HIKESHI: variants seen among roughly 807,000 people sequenced by gnomAD.
HIKESHI encodes heat shock protein nuclear import factor hikeshi.
A neutral mutation model predicts 25.7 loss-of-function variants in HIKESHI; 13 were observed. That is an observed-to-expected ratio of 0.51 (90% confidence interval 0.33 to 0.80). HIKESHI has a LOEUF of 0.80. HIKESHI is among the 30% of genes least tolerant of loss of function. HIKESHI has a pLI of 0.02. For synonymous variants in HIKESHI, 76 were observed against 78.7 expected (o/e 0.97, Z 0.18); for missense variants, 174 against 229.5 (o/e 0.76, Z 1.56).
intron 2 of HIKESHI, among the ~76,000 whole-genome samples, chr11:86,308,051 C>A (rs1415196329): frequency 8.2e-6 from 1 of 121,522 alleles, no homozygotes; most frequent in East Asian, 2.3e-4. Flanking sequence ...ATATAAATTA[C>A]ATATAATATA....
intron 2 of HIKESHI, among the ~76,000 whole-genome samples, chr11:86,316,150 C>A (rs1946972647): frequency 6.9e-6 from 1 of 145,766 alleles, no homozygotes; most frequent in African/African-American, 2.5e-5. Flanking sequence ...TGCACCTTCC[C>A]TATCATTAGA....
In HIKESHI at chr11:86,337,486, C is replaced by T. The variant is rs1383915080; in HGVS notation, c.376C>T (p.Pro126Ser). 1.2e-6 allele frequency: 2 copies of T among 1,613,932 alleles called. No individual in the cohort carries two copies. The highest frequency in any genetic ancestry group is 8.5e-7 in the Non-Finnish European group (1 of 1,179,926). The change falls in exon 3 of 5, where the codon CCT becomes TCT. Residue 126 changes from proline (P) to serine (S), a missense_variant. Pro to Ser is a moderately conservative substitution (Grantham distance 74). Coordinates refer to ENST00000278483, the MANE Select transcript of HIKESHI (RefSeq NM_016401.4). ...ATTAGACAGTATGGCTCAGCAGACTCCTGTAGGTAATGCTGCTGTATCCTC... is the reference window on the plus strand; with the variant it reads ...ATTAGACAGTATGGCTCAGCAGACTTCTGTAGGTAATGCTGCTGTATCCTC... ...ELLDSMAQQT[P>S]VGNAAVSSVD...
chr11:86,308,347 TA>T (rs1179653334), intron 2 of HIKESHI, among the ~76,000 whole-genome samples: 1 of 97,020 alleles, frequency 1.0e-5, no homozygotes, highest in Admixed American at 1.3e-4. Context: ...ATATATTATA[TA>T]AAATATATAT....
chr11:86,322,656 G>T (rs182340525), intron 2 of HIKESHI, among the ~76,000 whole-genome samples: 20 of 152,212 alleles, frequency 1.3e-4, no homozygotes, highest in Non-Finnish European at 1.0e-4. Context: ...TTTCTGGGTT[G>T]TGCTTTTGAT....
intron 2 of HIKESHI, among the ~76,000 whole-genome samples, chr11:86,311,397 G>A (rs564833627): frequency 2.7e-4 from 41 of 152,110 alleles, no homozygotes; most frequent in South Asian, 2.5e-3. Flanking sequence ...CTGTGGGATC[G>A]GTGGTGATAT....
intron 2 of HIKESHI, among the ~76,000 whole-genome samples, chr11:86,331,982 C>CTTTTTT (rs796831448): frequency 1.5e-5 from 2 of 129,540 alleles, no homozygotes; most frequent in African/African-American, 2.8e-5. Context: ...GTTTTCTTTT[C>CTTTTTT]TTTTTTTTTT....
intron 2 of HIKESHI, among the ~76,000 whole-genome samples, chr11:86,318,303 C>CAAAAAAAA (rs71040230): frequency 0.026 from 931 of 35,608 alleles, 158 homozygotes; most frequent in African/African-American, 0.078. Context: ...GACTCCGTCT[C>CAAAAAAAA]AAAAAAAAAA....
intron 2 of HIKESHI, among the ~76,000 whole-genome samples, chr11:86,320,634 T>C: frequency 6.6e-6 from 1 of 152,216 alleles, no homozygotes; most frequent in East Asian, 1.9e-4. Flanking sequence ...GCTTTATTGA[T>C]GTATAATTGA....
intron 2 of HIKESHI, among the ~76,000 whole-genome samples, 159 bp downstream of exon 2, chr11:86,306,641 A>G (rs1217111911): frequency 1.3e-5 from 2 of 152,130 alleles, no homozygotes; most frequent in Non-Finnish European, 2.9e-5. Flanking sequence ...GAAACATTTG[A>G]AAAATAGTGA....
Position 86,302,438 on chromosome 11 carries a change from C to T in HIKESHI, c.-11C>T. The T allele has an allele frequency of 9.7e-6, 15 of 1,553,430 alleles. No individual in the cohort carries two copies. The highest frequency in any genetic ancestry group is 1.2e-5 in the Non-Finnish European group (14 of 1,148,098). On this transcript the variant is annotated 5_prime_UTR_variant, in exon 1 of 5. Coordinates refer to ENST00000278483, the MANE Select transcript of HIKESHI (RefSeq NM_016401.4). ...TCAGGTCACTGCCGGCTGAACGGAG[C>T]TGCCGTCGCCATGTTTGGCTGCTTG...
intron 2 of HIKESHI, among the ~76,000 whole-genome samples, chr11:86,318,482 G>C (rs754524007): frequency 1.7e-4 from 26 of 151,800 alleles, no homozygotes; most frequent in Non-Finnish European, 3.1e-4. Context: ...TCAGAGAATA[G>C]AGAAAGAGGC....
intron 3 of HIKESHI, among the ~76,000 whole-genome samples, chr11:86,338,028 T>A (rs1464900120): frequency 6.6e-6 from 1 of 152,212 alleles, no homozygotes; most frequent in Non-Finnish European, 1.5e-5. Context: ...CATTTTTTTG[T>A]AGAGAACAGT....
intron 2 of HIKESHI, 42 bp downstream of exon 2, chr11:86,306,524 T>C (rs1946628311): frequency 8.0e-7 from 1 of 1,256,678 alleles, no homozygotes; most frequent in Admixed American, 2.0e-5. Context: ...TTAATCAAAC[T>C]TTTTTCTTAA....
intron 2 of HIKESHI, among the ~76,000 whole-genome samples, chr11:86,326,832 G>A (rs1947294299): frequency 6.6e-6 from 1 of 152,208 alleles, no homozygotes; most frequent in Non-Finnish European, 1.5e-5. Context: ...GGAGTGAAAG[G>A]TGAGGTGTTA....
chr11:86,333,212 A>T (rs1947466210), intron 2 of HIKESHI, among the ~76,000 whole-genome samples: 1 of 152,150 alleles, frequency 6.6e-6, no homozygotes, highest in Non-Finnish European at 1.5e-5. Context: ...TAAAAATTTG[A>T]TGATTGAACA....
At chr11:86,308,203 T>C (rs62636433) in intron 2 of HIKESHI, among the ~76,000 whole-genome samples, 1,064 of 44,412 alleles carry the variant, frequency 0.024, 18 homozygotes, top group East Asian at 0.041. Flanking sequence ...ATATATATTA[T>C]ATATAAAATA....
rs569492770 is a variant in HIKESHI at position 86,332,630 on chromosome 11, A to G, written c.269-4749A>G. On this transcript the variant is annotated intron_variant, in intron 2 of 4. Coordinates refer to ENST00000278483, the MANE Select transcript of HIKESHI (RefSeq NM_016401.4). The stretch of plus-strand genomic sequence containing the variant: ...AATTATTTTATCAGTACTCATCAAA[A>G]CTATACTTACAAAAAGGGGGCTAAA... Among the ~76,000 whole-genome samples, 8 of 152,354 alleles carry G rather than the reference A, an allele frequency of 5.3e-5. No homozygotes were observed. The South Asian group carries it at 6.2e-4, about 12-fold the overall frequency.
intron 2 of HIKESHI, among the ~76,000 whole-genome samples, chr11:86,325,023 A>G (rs1947237576): frequency 6.6e-6 from 1 of 151,988 alleles, no homozygotes; most frequent in South Asian, 2.1e-4. Context: ...TACAAAAAAT[A>G]AAAAACTTAG....
At chr11:86,307,389 TATGTGTAATATA>T (rs1221854150) in intron 2 of HIKESHI, among the ~76,000 whole-genome samples, 2 of 125,082 alleles carry the variant, frequency 1.6e-5, no homozygotes, top group Non-Finnish European at 3.2e-5. Context: ...ATCAATATAT[TATGTGTAATATA>T]CATTATATAT....
Sources: allele counts gnomAD v4.1 joint callset (sites outside exome capture counted in the v4.1 genomes callset), GRCh38; gene constraint gnomAD v4.1.1; transcripts MANE v1.5; gene names NCBI Gene and HGNC (gene_info 2026-07-23, HGNC 2026-07-21).